Variants in NRXN1 observed in about 807,000 individuals in gnomAD.
NRXN1 encodes the protein neurexin 1, also known as neurexin-1.
Under a neutral mutation model 150.9 loss-of-function variants are expected in NRXN1, and 39 were observed. The observed-to-expected ratio is 0.26, with a 90% CI of 0.20 to 0.34. The LOEUF (loss-of-function observed/expected upper bound fraction) is 0.34, where lower values mean the gene tolerates loss of function less well. NRXN1 is among the 10% of genes least tolerant of loss of function. NRXN1 has a pLI of 1.00. For missense variants in NRXN1, 1,815 were observed against 1,949.9 expected (o/e 0.93, Z 1.30); for synonymous variants, 924 against 757.0 (o/e 1.22, Z -3.62).
At chr2:50,172,273 A>AT (rs1189524693) in intron 18 of NRXN1, among the ~76,000 whole-genome samples, 1 of 152,094 alleles carries the variant, frequency 6.6e-6, no homozygotes, top group Non-Finnish European at 1.5e-5. Flanking sequence ...CCTGTACCCT[A>AT]TTTTTTAGCA....
chr2:50,955,429 C>T (rs1316868092), intron 2 of NRXN1, among the ~76,000 whole-genome samples: 1 of 152,176 alleles, frequency 6.6e-6, no homozygotes, highest in Non-Finnish European at 1.5e-5. Flanking sequence ...AGCCATCATG[C>T]TCCTTCTTTA....
chr2:50,792,440 C>T (rs1168565841), intron 5 of NRXN1, among the ~76,000 whole-genome samples: 3 of 152,008 alleles, frequency 2.0e-5, no homozygotes, highest in Non-Finnish European at 2.9e-5. Context: ...GAAGGAAAGA[C>T]CAAATGAGTT....
chr2:50,957,316 T>C (rs546579929), intron 2 of NRXN1, among the ~76,000 whole-genome samples: 2 of 152,248 alleles, frequency 1.3e-5, no homozygotes, highest in Non-Finnish European at 2.9e-5. Context: ...TTTCAGGATA[T>C]AAAAGGGGAA....
chr2:50,146,819 A>G (rs17505495), intron 18 of NRXN1, among the ~76,000 whole-genome samples: 15,647 of 151,536 alleles, frequency 0.1, 942 homozygotes, highest in Middle Eastern at 0.2. Context: ...TGTGTTTTTT[A>G]CCCATTGAAA....
intron 5 of NRXN1, among the ~76,000 whole-genome samples, chr2:50,754,341 A>G (rs976389663): frequency 2.6e-5 from 4 of 151,858 alleles, no homozygotes; most frequent in African/African-American, 7.2e-5. Context: ...ACTGGCTTTA[A>G]GACTCTTGTA....
chr2:50,535,760 C>T (rs1034535927), intron 10 of NRXN1, among the ~76,000 whole-genome samples: 6 of 152,152 alleles, frequency 3.9e-5, no homozygotes, highest in African/African-American at 1.4e-4. Flanking sequence ...CTTATTCTTT[C>T]TTATAAACTC....
At chr2:50,470,485 A>T (rs1356209346) in intron 16 of NRXN1, among the ~76,000 whole-genome samples, 1 of 151,834 alleles carries the variant, frequency 6.6e-6, no homozygotes, top group Non-Finnish European at 1.5e-5. Flanking sequence ...TTCACCTAAC[A>T]TTTCATGGAA....
At position 50,565,036 on chromosome 2, in the gene NRXN1, TGCC is replaced by T. The variant is rs1158966368; in HGVS notation, c.1321-12014_1321-12012del. Among the ~76,000 whole-genome samples, 7 of 152,258 alleles carry T rather than the reference TGCC, an allele frequency of 4.6e-5. No homozygotes were observed. In the East Asian group the frequency reaches 1.4e-3, roughly 29 times the overall value. ...AGCTCCCAGGCAGGTGCAGAGTTTT[TGCC>T]AACAAAAATTCAGTAAAATAAAAAA... On this transcript the variant is annotated intron_variant, in intron 8 of 22. Transcript: ENST00000401669.
intron 17 of NRXN1, among the ~76,000 whole-genome samples, chr2:50,316,396 A>C (rs2075609381): frequency 6.6e-6 from 1 of 152,106 alleles, no homozygotes; most frequent in Non-Finnish European, 1.5e-5. Context: ...AACATTTAAT[A>C]GGGTAGCTCA....
chr2:50,011,427 C>T (rs12615426), intron 21 of NRXN1, among the ~76,000 whole-genome samples: 54,724 of 151,754 alleles, frequency 0.36, 10,545 homozygotes, highest in South Asian at 0.45. Flanking sequence ...ACATAGATAC[C>T]CATAGATTAT....
chr2:51,007,447 C>T (rs1558576300), intron 2 of NRXN1, among the ~76,000 whole-genome samples: 1 of 151,798 alleles, frequency 6.6e-6, no homozygotes, highest in Admixed American at 6.6e-5. Context: ...CTTATGAAAA[C>T]AATGTTAACA....
At chr2:50,529,667 C>A (rs2093046727) in intron 11 of NRXN1, among the ~76,000 whole-genome samples, 1 of 152,126 alleles carries the variant, frequency 6.6e-6, no homozygotes, top group South Asian at 2.1e-4. Context: ...CAGCCAAGGA[C>A]CAGCACCTAC....
intron 21 of NRXN1, chr2:49,970,449 A>C (rs1250483807): frequency 6.6e-6 from 1 of 152,078 alleles, no homozygotes; most frequent in Non-Finnish European, 1.5e-5. Flanking sequence ...TATTGTCTTT[A>C]ATGTGCCAAA....
intron 2 of NRXN1, among the ~76,000 whole-genome samples, chr2:50,999,716 G>C (rs1262048103): frequency 6.6e-6 from 1 of 151,884 alleles, no homozygotes; most frequent in African/African-American, 2.4e-5. Flanking sequence ...AAACATTTTG[G>C]AGCCATCTCT....
intron 22 of NRXN1, among the ~76,000 whole-genome samples, chr2:49,943,257 G>A (rs577937701): frequency 2.0e-5 from 3 of 152,206 alleles, no homozygotes; most frequent in South Asian, 2.1e-4. Flanking sequence ...TCTCACTTCC[G>A]AAATTCAGAA....
At chr2:50,181,362 T>A (rs2060703078) in intron 18 of NRXN1, among the ~76,000 whole-genome samples, 1 of 152,128 alleles carries the variant, frequency 6.6e-6, no homozygotes, top group Non-Finnish European at 1.5e-5. Flanking sequence ...TTCTCCTTGC[T>A]GTTGTAGAAT....
rs1190429772 is a variant in NRXN1, at chr2:49,918,729, T to C, written c.*3215A>G. 2.0e-5 allele frequency: 3 copies of C among 152,086 alleles called. No individual in the cohort carries two copies. Among genetic ancestry groups the C allele is most frequent in the Admixed American group, 2.0e-4 (3 of 15,258 alleles). 9.4% of individuals were successfully genotyped at this position (152,086 alleles called of 1,614,324 possible). ...TAGAGGTCTTTAATGACTAGTTAAA[T>C]CCAGAAAAAAGAGAGTCAACATTCT... On this transcript the variant is annotated 3_prime_UTR_variant, in exon 23 of 23. Coordinates refer to ENST00000401669, the MANE Select transcript of NRXN1 (RefSeq NM_001330078.2).
At chr2:50,865,367 T>G (rs1574756059) in intron 5 of NRXN1, among the ~76,000 whole-genome samples, 1 of 152,026 alleles carries the variant, frequency 6.6e-6, no homozygotes, top group South Asian at 2.1e-4. Flanking sequence ...ATTCTGGAGA[T>G]TCCTAAAATT....
intron 5 of NRXN1, among the ~76,000 whole-genome samples, chr2:50,805,926 T>C (rs1667451183): frequency 1.3e-5 from 2 of 152,134 alleles, no homozygotes; most frequent in Admixed American, 1.3e-4. Flanking sequence ...TTCTTTTCAC[T>C]ACAGAACATA....
Sources: allele counts gnomAD v4.1 joint callset (sites outside exome capture counted in the v4.1 genomes callset), GRCh38; gene constraint gnomAD v4.1.1; transcripts MANE v1.5; gene names NCBI Gene and HGNC (gene_info 2026-07-23, HGNC 2026-07-21).